EIF4G3: variants seen among roughly 807,000 people sequenced by gnomAD.
EIF4G3 encodes the protein eIF-4-gamma 3.
In EIF4G3, 34 loss-of-function variants were observed where a neutral mutation model predicts 186.4. The observed-to-expected ratio is 0.18, with a 90% CI of 0.14 to 0.24. EIF4G3 has a LOEUF of 0.24. Among genes scored for constraint, EIF4G3 ranks in the 10% least tolerant of loss-of-function variants. The pLI, the probability that EIF4G3 is intolerant of heterozygous loss-of-function variation, is 1.00. For synonymous variants in EIF4G3, 673 were observed against 679.5 expected (o/e 0.99, Z 0.15); for missense variants, 1,536 against 1,948.5 (o/e 0.79, Z 3.99).
chr1:20,898,949 C>T (rs1295077114), intron 16 of EIF4G3, among the ~76,000 whole-genome samples: 2 of 152,128 alleles, frequency 1.3e-5, no homozygotes, highest in Admixed American at 6.6e-5. Context: ...AGGCTAGTCT[C>T]GAACTCCCAA....
intron 4 of EIF4G3, among the ~76,000 whole-genome samples, chr1:21,014,895 A>G (rs2088435337): frequency 6.6e-6 from 1 of 152,160 alleles, no homozygotes; most frequent in South Asian, 2.1e-4. Flanking sequence ...TTGGCCTCCC[A>G]AAGTGCTGGG....
intron 36 of EIF4G3, among the ~76,000 whole-genome samples, chr1:20,809,082 T>C (rs2058718258): frequency 1.3e-5 from 2 of 152,200 alleles, no homozygotes; most frequent in South Asian, 4.1e-4. Flanking sequence ...CAAGTGATTC[T>C]CCTGCCTCAG....
At chr1:21,135,618 CA>C (rs1439083683) in intron 2 of EIF4G3, among the ~76,000 whole-genome samples, 6 of 152,146 alleles carry the variant, frequency 3.9e-5, no homozygotes, top group African/African-American at 1.4e-4. Flanking sequence ...TATAAAGATG[CA>C]AAAATACAAG....
At chr1:20,936,046 A>C (rs2095508060) in intron 14 of EIF4G3, among the ~76,000 whole-genome samples, 1 of 152,198 alleles carries the variant, frequency 6.6e-6, no homozygotes, top group South Asian at 2.1e-4. Context: ...GAACTACTGT[A>C]AAAAATGGGG....
At chr1:20,985,106 A>G (rs761733626) in intron 7 of EIF4G3, among the ~76,000 whole-genome samples, 1 of 152,210 alleles carries the variant, frequency 6.6e-6, no homozygotes, top group Non-Finnish European at 1.5e-5. Flanking sequence ...ATTTTCACAT[A>G]AACCAGCAGA....
chr1:21,115,456 G>A (rs1335946087), intron 2 of EIF4G3, among the ~76,000 whole-genome samples: 5 of 152,170 alleles, frequency 3.3e-5, no homozygotes, highest in Admixed American at 2.0e-4. Flanking sequence ...GACATGAAGT[G>A]AGCACATGCT....
At chr1:20,847,751 C>T (rs2071635040) in intron 29 of EIF4G3, 1 of 470,816 alleles carries the variant, frequency 2.1e-6, no homozygotes, top group South Asian at 1.6e-5. Context: ...TGGCTATTTC[C>T]CGTTAATGTT....
chr1:20,878,846 G>A (rs943008971), intron 20 of EIF4G3, among the ~76,000 whole-genome samples: 1 of 152,190 alleles, frequency 6.6e-6, no homozygotes, highest in Non-Finnish European at 1.5e-5. Flanking sequence ...TGTAAACGGA[G>A]AGAAACCTAA....
intron 4 of EIF4G3, among the ~76,000 whole-genome samples, chr1:21,038,905 T>C (rs2093400442): frequency 6.6e-6 from 1 of 152,168 alleles, no homozygotes; most frequent in Non-Finnish European, 1.5e-5. Context: ...CACAGAATCC[T>C]ATAAAAATCC....
At chr1:20,926,692 A>C (rs894007464) in intron 14 of EIF4G3, among the ~76,000 whole-genome samples, 9 of 151,866 alleles carry the variant, frequency 5.9e-5, no homozygotes, top group Non-Finnish European at 8.8e-5. Flanking sequence ...AAAAAAAAAA[A>C]AAACTACAAT....
rs1040479146 is a variant in EIF4G3, at chr1:21,001,130, T to C, written c.144+69A>G. On this transcript the variant is annotated intron_variant, in intron 6 of 36. Coordinates refer to ENST00000602326, the MANE Select transcript of EIF4G3 (RefSeq NM_001391906.1). ...TTCTGTTCATCAGCCAATAAATGGA[T>C]GTGGTCAAAAATACTAAGTGCCAGA... The C allele has an allele frequency of 1.3e-5, 6 of 464,496 alleles. No homozygotes were observed. In the East Asian group the frequency reaches 4.2e-4, roughly 32 times the overall value. The allele number at this position is 464,496 out of a possible 1,614,324, so 28.8% of individuals were successfully genotyped here. A position where few individuals can be genotyped will look rare whatever the true frequency, so the allele number is the denominator to read the frequency against.
intron 2 of EIF4G3, among the ~76,000 whole-genome samples, chr1:21,113,402 A>G (rs112316049): frequency 1.1e-3 from 161 of 152,114 alleles, no homozygotes; most frequent in African/African-American, 3.8e-3. Flanking sequence ...GTTATTTTGA[A>G]GTCTGTGGAA....
chr1:20,974,243 T>A (rs1235683321), intron 10 of EIF4G3, among the ~76,000 whole-genome samples: 4 of 152,138 alleles, frequency 2.6e-5, no homozygotes, highest in Non-Finnish European at 5.9e-5. Flanking sequence ...TCACAGAATA[T>A]AAACAACATT....
At chr1:20,971,679 C>A (rs1056300675) in intron 11 of EIF4G3, among the ~76,000 whole-genome samples, 1 of 152,222 alleles carries the variant, frequency 6.6e-6, no homozygotes, top group Non-Finnish European at 1.5e-5. Flanking sequence ...CACACTGTTG[C>A]CCAGGCTGGA....
intron 2 of EIF4G3, among the ~76,000 whole-genome samples, chr1:21,111,773 T>C (rs1159270958): frequency 1.3e-5 from 2 of 152,250 alleles, no homozygotes; most frequent in Non-Finnish European, 2.9e-5. Flanking sequence ...CATGCATTTA[T>C]TCACTTCCTG....
chr1:21,027,461 T>G (rs945244921), intron 4 of EIF4G3, among the ~76,000 whole-genome samples: 7 of 151,704 alleles, frequency 4.6e-5, no homozygotes, highest in African/African-American at 1.7e-4. Context: ...AAAGCCTGTG[T>G]CTACTAAAAA....
chr1:20,959,929 G>A (rs1348695917), intron 12 of EIF4G3, among the ~76,000 whole-genome samples: 1 of 152,036 alleles, frequency 6.6e-6, no homozygotes, highest in Non-Finnish European at 1.5e-5. Flanking sequence ...ATATGCTGCT[G>A]GTGGGAATGT....
intron 10 of EIF4G3, 146 bp downstream of exon 10, chr1:20,980,188 A>AG: frequency 1.7e-6 from 1 of 599,794 alleles, no homozygotes; most frequent in Non-Finnish European, 2.8e-6. Flanking sequence ...AAAAAAAAAA[A>AG]GTAGCTTTCA....
intron 32 of EIF4G3, 53 bp from the exon 33 acceptor site, chr1:20,825,251 G>GAAAAA (rs71585786): frequency 3.2e-4 from 74 of 231,684 alleles, no homozygotes; most frequent in South Asian, 1.8e-3. Context: ...AGAAGAAACA[G>GAAAAA]AAAAAAAAAA....
Sources: gnomAD v4.1 joint callset for allele counts (sites outside exome capture counted in the v4.1 genomes callset) on GRCh38, gnomAD v4.1.1 for gene constraint, MANE v1.5 for transcripts, NCBI Gene and HGNC (gene_info 2026-07-23, HGNC 2026-07-21) for gene names.